CCDC93: variants seen among roughly 807,000 people sequenced by gnomAD.
The protein encoded by CCDC93 is CCC complex scaffolding subunit CCDC93.
CCDC93 carries 61 observed loss-of-function variants against 108.2 expected under a neutral mutation model. The ratio of observed to expected loss-of-function variants is 0.56; its 90% CI spans 0.46 to 0.70. CCDC93 has a LOEUF of 0.70. CCDC93 is among the 30% of genes least tolerant of loss of function. CCDC93 has a pLI of 0.00. For synonymous variants in CCDC93, 276 were observed against 260.4 expected, an observed-to-expected ratio of 1.06 and a Z score of -0.58; for missense variants, 685 against 764.2, an observed-to-expected ratio of 0.90 and a Z score of 1.22.
chr2:118,013,856 GC>G, intron 1 of CCDC93, 97 bp downstream of exon 1: 1 of 1,062,162 alleles, frequency 9.4e-7, no homozygotes, highest in Non-Finnish European at 1.3e-6. Flanking sequence ...GGGGCGGGGC[GC>G]CCCTAACGCA....
intron 5 of CCDC93, 109 bp downstream of exon 5, chr2:117,996,155 G>A: frequency 3.2e-6 from 2 of 630,952 alleles, no homozygotes; most frequent in South Asian, 2.2e-5. Flanking sequence ...ATGCCAAGTG[G>A]GGCTGAGAAT....
chr2:117,941,715 C>T (rs562234247), intron 18 of CCDC93, among the ~76,000 whole-genome samples: 9 of 152,320 alleles, frequency 5.9e-5, no homozygotes, highest in African/African-American at 2.2e-4. Context: ...ACATACATCC[C>T]AAATTCCTCA....
chr2:117,961,326 T>A (rs1299273198), intron 11 of CCDC93, among the ~76,000 whole-genome samples: 1 of 152,198 alleles, frequency 6.6e-6, no homozygotes, highest in African/African-American at 2.4e-5. Context: ...GCTTTCAAAC[T>A]GCTCTCTTTT....
intron 5 of CCDC93, among the ~76,000 whole-genome samples, chr2:117,995,987 A>G (rs1313411054): frequency 1.3e-5 from 2 of 151,994 alleles, no homozygotes; most frequent in Admixed American, 6.6e-5. Flanking sequence ...TTGTTACTAT[A>G]GGATGTTCTG....
In CCDC93 at chr2:117,986,064, C is replaced by T; in HGVS notation, c.525G>A (p.Val175=). The T allele has an allele frequency of 6.2e-7, 1 of 1,605,962 alleles. No homozygotes were observed. The highest frequency in any genetic ancestry group is 8.5e-7 in the Non-Finnish European group (1 of 1,173,680). ...GTTTGTATTTCCGACGGGGCTTGTA[C>T]ACTTCCTAAGTGGATGAGACAGCCA... ...AIKTVVDLSE[V]YKPRRKYKRH... Residue 175 remains valine (V), a synonymous_variant, in exon 7 of 24, where the codon GTG becomes GTA. Transcript: ENST00000376300.
intron 5 of CCDC93, 86 bp downstream of exon 5, chr2:117,996,178 G>T: frequency 1.2e-6 from 1 of 844,432 alleles, no homozygotes. Context: ...AGGGGAGCCT[G>T]AGCTTACTCT....
At chr2:117,951,799 G>A (rs575444888) in intron 13 of CCDC93, 58 of 539,384 alleles carry the variant, frequency 1.1e-4, no homozygotes, top group African/African-American at 7.4e-4. Context: ...AGTGAGCAGC[G>A]ACAATGCTGA....
chr2:117,990,830 T>G (rs1468610124), intron 6 of CCDC93, among the ~76,000 whole-genome samples: 4 of 152,170 alleles, frequency 2.6e-5, no homozygotes, highest in Non-Finnish European at 5.9e-5. Flanking sequence ...ATTTTTTTTT[T>G]GCAATCTCTG....
rs753587645 is a variant in CCDC93 at position 117,975,139 on chromosome 2, C to T, written c.750+49G>A. 7.9e-6 allele frequency: 12 copies of T among 1,510,782 alleles called. No homozygotes were observed. In the South Asian group the frequency reaches 1.4e-4, roughly 17 times the overall value. 93.6% of individuals were successfully genotyped at this position (1,510,782 alleles called of 1,614,324 possible). On this transcript the variant is annotated intron_variant, in intron 9 of 23. Transcript: ENST00000376300. The stretch of plus-strand genomic sequence containing the variant: ...GCTAGGGATAAGAGTACGATTTCTC[C>T]CAAAATGACTTACACAGAAACCTCA...
intron 8 of CCDC93, 134 bp downstream of exon 8, chr2:117,977,860 C>A: frequency 1.4e-6 from 1 of 738,896 alleles, no homozygotes; most frequent in Non-Finnish European, 2.4e-6. Context: ...GACGGAGATG[C>A]AGGGGCCAAA....
chr2:117,983,629 A>ATT (rs1295961386), intron 7 of CCDC93, among the ~76,000 whole-genome samples: 57 of 82,420 alleles, frequency 6.9e-4, no homozygotes, highest in African/African-American at 2.4e-3. Flanking sequence ...ACTGCTCAAA[A>ATT]TTATATATAT....
intron 23 of CCDC93, among the ~76,000 whole-genome samples, chr2:117,930,184 G>A (rs1678279682): frequency 2.0e-5 from 3 of 152,190 alleles, no homozygotes; most frequent in African/African-American, 4.8e-5. Context: ...ACAAAATTAT[G>A]AGCATGGAAA....
intron 1 of CCDC93, 59 bp downstream of exon 1, chr2:118,013,895 G>C: frequency 2.8e-6 from 4 of 1,443,204 alleles, no homozygotes; most frequent in Non-Finnish European, 3.7e-6. Context: ...CCGCCGCCCC[G>C]CGGCTCGGCC....
At position 117,925,952 on chromosome 2, in the gene CCDC93, G is replaced by A. The variant is rs578135534; in HGVS notation, c.1842+5085C>T. On this transcript the variant is annotated intron_variant, in intron 23 of 23. Transcript: ENST00000376300. ...CACAGTGCAATCAAACTAGAACTCA[G>A]GATTAAGAACCTCACTCAAAACCAC... is the stretch of plus-strand genomic sequence containing the variant. Among the ~76,000 whole-genome samples, 10 of 152,278 alleles carry A rather than the reference G, an allele frequency of 6.6e-5. No individual in the cohort carries two copies. The East Asian group carries it at 1.9e-3, about 29-fold the overall frequency.
At chr2:117,978,233 C>T (rs1680005537) in intron 7 of CCDC93, among the ~76,000 whole-genome samples, 1 of 152,148 alleles carries the variant, frequency 6.6e-6, no homozygotes, top group South Asian at 2.1e-4. Flanking sequence ...ACTTGCTATG[C>T]AAATACTATA....
intron 21 of CCDC93, chr2:117,936,474 C>A: frequency 2.1e-6 from 1 of 469,692 alleles, no homozygotes. Flanking sequence ...TGAAAGTTAA[C>A]TTTTTTCGTC....
intron 5 of CCDC93, chr2:117,995,709 C>A: frequency 2.0e-6 from 1 of 510,844 alleles, no homozygotes; most frequent in Non-Finnish European, 3.5e-6. Flanking sequence ...CCTACACAGC[C>A]AGTAAGAAAA....
chr2:117,967,112 G>A (rs1013496990), intron 11 of CCDC93, among the ~76,000 whole-genome samples: 2 of 152,042 alleles, frequency 1.3e-5, no homozygotes, highest in Non-Finnish European at 2.9e-5. Context: ...TCCCACCTCA[G>A]CCTCCCAAGT....
chr2:117,959,965 C>T (rs1366598357), intron 11 of CCDC93, among the ~76,000 whole-genome samples: 2 of 152,200 alleles, frequency 1.3e-5, no homozygotes, highest in African/African-American at 4.8e-5. Flanking sequence ...GAAAGACCAG[C>T]CCCACTCTAA....
Sources: allele counts gnomAD v4.1 joint callset (sites outside exome capture counted in the v4.1 genomes callset), GRCh38; gene constraint gnomAD v4.1.1; transcripts MANE v1.5; gene names NCBI Gene and HGNC (gene_info 2026-07-23, HGNC 2026-07-21).